NPAS3: variants seen among roughly 807,000 people sequenced by gnomAD.
NPAS3 encodes neuronal PAS domain-containing protein 3.
Under a neutral mutation model 73.1 loss-of-function variants are expected in NPAS3, and 14 were observed. The observed-to-expected ratio is 0.19, with a 90% CI of 0.13 to 0.30. The LOEUF is 0.30. NPAS3 is among the 10% of genes least tolerant of loss of function. NPAS3 has a pLI of 1.00. For missense variants in NPAS3, 1,096 were observed against 1,250.0 expected, an observed-to-expected ratio of 0.88 and a Z score of 1.86; for synonymous variants, 620 against 541.5, an observed-to-expected ratio of 1.14 and a Z score of -2.01.
intron 4 of NPAS3, among the ~76,000 whole-genome samples, chr14:33,487,637 T>A (rs2051676643): frequency 6.6e-6 from 1 of 152,214 alleles, no homozygotes; most frequent in Non-Finnish European, 1.5e-5. Context: ...TAGTCACCTC[T>A]TCAACTTATT....
At chr14:33,672,338 A>G (rs1222210489) in intron 5 of NPAS3, among the ~76,000 whole-genome samples, 1 of 152,240 alleles carries the variant, frequency 6.6e-6, no homozygotes, top group African/African-American at 2.4e-5. Flanking sequence ...AACATAAAAG[A>G]ACCACCTTAA....
At chr14:33,546,674 G>A (rs1207839568) in intron 4 of NPAS3, among the ~76,000 whole-genome samples, 4 of 152,130 alleles carry the variant, frequency 2.6e-5, no homozygotes, top group Non-Finnish European at 5.9e-5. Flanking sequence ...GTTATCACTA[G>A]GGGCCCCAAT....
At chr14:33,665,860 A>G (rs2140294553) in intron 5 of NPAS3, among the ~76,000 whole-genome samples, 1 of 150,326 alleles carries the variant, frequency 6.7e-6, no homozygotes, top group South Asian at 2.1e-4. Context: ...ACCTACTGGG[A>G]AAAAAAAAAT....
At chr14:33,099,712 T>C (rs2042527679) in intron 2 of NPAS3, among the ~76,000 whole-genome samples, 3 of 152,186 alleles carry the variant, frequency 2.0e-5, no homozygotes, top group African/African-American at 4.8e-5. Context: ...GAGTCTATTG[T>C]AGGGAAAAAA....
chr14:33,440,325 G>GGGT (rs2049189054), intron 4 of NPAS3, among the ~76,000 whole-genome samples: 1 of 152,070 alleles, frequency 6.6e-6, no homozygotes, highest in African/African-American at 2.4e-5. Context: ...CCCCAGCTCA[G>GGGT]GGTGGTCTCA....
exon 8 of NPAS3, chr14:33,774,368 G>C: frequency 6.2e-7 from 1 of 1,614,020 alleles, no homozygotes; most frequent in South Asian, 1.1e-5. Context: ...CTACGCCTGA[G>C]AGTGTCGCTG....
chr14:33,475,455 C>T (rs1485937166), intron 4 of NPAS3, among the ~76,000 whole-genome samples: 1 of 151,372 alleles, frequency 6.6e-6, no homozygotes, highest in Non-Finnish European at 1.5e-5. Flanking sequence ...CTGTTGAGTG[C>T]TCACTGTGTG....
At chr14:33,244,548 T>G (rs1007693270) in intron 3 of NPAS3, among the ~76,000 whole-genome samples, 36 of 152,148 alleles carry the variant, frequency 2.4e-4, no homozygotes, top group Non-Finnish European at 5.0e-4. Flanking sequence ...CAAATTTTTT[T>G]GGTAGCTTGC....
chr14:33,574,963 C>G, intron 5 of NPAS3, among the ~76,000 whole-genome samples: 1 of 111,826 alleles, frequency 8.9e-6, no homozygotes, highest in African/African-American at 3.5e-5. Flanking sequence ...GGTCCATGCA[C>G]ACAGTGGTGC....
intron 1 of NPAS3, among the ~76,000 whole-genome samples, chr14:33,015,178 G>T (rs1391752080): frequency 6.6e-6 from 1 of 152,150 alleles, no homozygotes; most frequent in Non-Finnish European, 1.5e-5. Flanking sequence ...GGTTACAAAG[G>T]CCTGAGAATG....
chr14:33,687,247 T>A (rs1332564505), intron 6 of NPAS3, among the ~76,000 whole-genome samples: 1 of 152,188 alleles, frequency 6.6e-6, no homozygotes, highest in Admixed American at 6.5e-5. Flanking sequence ...TAATAAAATA[T>A]GGAAAATTTT....
chr14:33,632,980 TCCATGGATTCAATCAA>T (rs1233743104), intron 5 of NPAS3, among the ~76,000 whole-genome samples: 2 of 152,130 alleles, frequency 1.3e-5, no homozygotes, highest in Non-Finnish European at 2.9e-5. Context: ...AGGTTCTGCA[TCCATGGATTCAATCAA>T]CCATGGATTG....
At chr14:33,290,059 C>T (rs2042039062) in intron 3 of NPAS3, among the ~76,000 whole-genome samples, 1 of 152,074 alleles carries the variant, frequency 6.6e-6, no homozygotes, top group Admixed American at 6.6e-5. Flanking sequence ...TGTTTCATGG[C>T]CAGTCCCATC....
chr14:32,965,963 A>AT (rs2037137078), intron 1 of NPAS3, among the ~76,000 whole-genome samples: 1 of 152,188 alleles, frequency 6.6e-6, no homozygotes, highest in Non-Finnish European at 1.5e-5. Flanking sequence ...TTTACAATAG[A>AT]TAAAAAAAAT....
At chr14:33,534,350 C>T (rs1272927514) in intron 4 of NPAS3, among the ~76,000 whole-genome samples, 2 of 152,168 alleles carry the variant, frequency 1.3e-5, no homozygotes, top group Middle Eastern at 3.4e-3. Context: ...GATTTGTATA[C>T]TCTCTTGGAT....
intron 2 of NPAS3, among the ~76,000 whole-genome samples, chr14:33,062,144 C>A (rs1056578462): frequency 5.9e-5 from 9 of 152,224 alleles, no homozygotes; most frequent in East Asian, 3.9e-4. Context: ...GAGACTGCAT[C>A]TTCGAGAAGA....
chr14:33,443,562 C>A (rs905257362), intron 4 of NPAS3, among the ~76,000 whole-genome samples: 1 of 152,166 alleles, frequency 6.6e-6, no homozygotes, highest in Non-Finnish European at 1.5e-5. Flanking sequence ...CCTCCACACA[C>A]GCTAAGGAGC....
At chr14:33,784,754 T>TC in intron 9 of NPAS3, among the ~76,000 whole-genome samples, 1 of 124,364 alleles carries the variant, frequency 8.0e-6, no homozygotes, top group African/African-American at 3.4e-5. Flanking sequence ...TATTTTTTTT[T>TC]TTTTTTTTTT....
chr14:33,752,432 T>C (rs1229834313), intron 7 of NPAS3, among the ~76,000 whole-genome samples: 1 of 152,124 alleles, frequency 6.6e-6, no homozygotes, highest in Non-Finnish European at 1.5e-5. Flanking sequence ...GAAGGGGACA[T>C]CATCCCCAAT....
Sources: gnomAD v4.1 joint callset for allele counts (sites outside exome capture counted in the v4.1 genomes callset) on GRCh38, gnomAD v4.1.1 for gene constraint, MANE v1.5 for transcripts, NCBI Gene and HGNC (gene_info 2026-07-23, HGNC 2026-07-21) for gene names.